The following LRP1B variants were observed in gnomAD, a reference collection of about 807,000 sequenced individuals.
LRP1B encodes low-density lipoprotein receptor-related protein 1B.
Under a neutral mutation model 556.6 loss-of-function variants are expected in LRP1B, and 217 were observed. That is an observed-to-expected ratio of 0.39 (90% CI 0.35 to 0.44). The LOEUF is 0.44. Ranked by LOEUF, LRP1B falls within the 20% of genes least tolerant of loss-of-function variation. The pLI, the probability that LRP1B is intolerant of heterozygous loss-of-function variation, is 1.00. For missense variants in LRP1B, 5,053 were observed against 5,620.8 expected (o/e 0.90, Z 3.23); for synonymous variants, 2,047 against 1,865.8 (o/e 1.10, Z -2.50).
At chr2:140,414,552 C>T (rs1685100339) in intron 66 of LRP1B, among the ~76,000 whole-genome samples, 1 of 151,908 alleles carries the variant, frequency 6.6e-6, no homozygotes, top group Admixed American at 6.6e-5. Flanking sequence ...GTCAGGGACC[C>T]CGAATAGAGG....
At chr2:141,977,419 A>C (rs1701916996) in intron 1 of LRP1B, among the ~76,000 whole-genome samples, 1 of 152,078 alleles carries the variant, frequency 6.6e-6, no homozygotes, top group Non-Finnish European at 1.5e-5. Context: ...TAAAAATGCA[A>C]AAATTATCCA....
At chr2:140,703,771 T>A (rs1182502643) in intron 37 of LRP1B, among the ~76,000 whole-genome samples, 1 of 152,138 alleles carries the variant, frequency 6.6e-6, no homozygotes, top group South Asian at 2.1e-4. Flanking sequence ...ACTCAGTGCT[T>A]GCTTTTCTGT....
intron 3 of LRP1B, among the ~76,000 whole-genome samples, chr2:141,371,449 G>A (rs1689228209): frequency 6.6e-6 from 1 of 152,130 alleles, no homozygotes; most frequent in South Asian, 2.1e-4. Context: ...CATTGAACCT[G>A]TAGATTGCTT....
intron 20 of LRP1B, among the ~76,000 whole-genome samples, chr2:140,940,625 C>A (rs1323458734): frequency 2.6e-5 from 4 of 152,102 alleles, no homozygotes; most frequent in Admixed American, 1.3e-4. Flanking sequence ...AGGGACCCAG[C>A]CTTACTTATT....
chr2:140,376,470 G>GT (rs1683235104), intron 68 of LRP1B, among the ~76,000 whole-genome samples: 1 of 151,956 alleles, frequency 6.6e-6, no homozygotes, highest in Admixed American at 6.6e-5. Context: ...ATTAAAATGT[G>GT]TTTTTCTGCC....
At chr2:140,852,774 G>A (rs1486458272) in intron 27 of LRP1B, among the ~76,000 whole-genome samples, 1 of 151,992 alleles carries the variant, frequency 6.6e-6, no homozygotes, top group East Asian at 1.9e-4. Flanking sequence ...GCAGCTCAAT[G>A]TCATTCTGTG....
chr2:140,598,425 T>C lies in LRP1B; in HGVS notation c.7194+206A>G, dbSNP rs139858007. Among the ~76,000 whole-genome samples, 707 of 152,304 alleles carry C rather than the reference T, an allele frequency of 4.6e-3. 10 individuals are homozygous for C. Among genetic ancestry groups the C allele is most frequent in the African/African-American group, 0.016 (657 of 41,566 alleles). On this transcript the variant is annotated intron_variant, in intron 43 of 90. Coordinates refer to ENST00000389484, the MANE Select transcript of LRP1B (RefSeq NM_018557.3). ...AAGTTTATGTGTTGAGCTGTCTCTA[T>C]GGTAGCAAATGCATTTGAAAGAAGT...
At chr2:140,327,834 CA>C (rs2105068948) in intron 79 of LRP1B, among the ~76,000 whole-genome samples, 1 of 152,076 alleles carries the variant, frequency 6.6e-6, no homozygotes, top group East Asian at 1.9e-4. Context: ...CCACTTTTAT[CA>C]GCTCTGGCCA....
chr2:141,620,128 G>C (rs948859224), intron 2 of LRP1B, among the ~76,000 whole-genome samples: 1 of 152,060 alleles, frequency 6.6e-6, no homozygotes, highest in Non-Finnish European at 1.5e-5. Flanking sequence ...ATTTAAAAAA[G>C]AAAATATAGA....
intron 1 of LRP1B, among the ~76,000 whole-genome samples, chr2:141,957,830 G>T (rs1215431725): frequency 2.0e-5 from 3 of 152,086 alleles, no homozygotes; most frequent in Non-Finnish European, 4.4e-5. Flanking sequence ...TGCCAGCACA[G>T]ATCATCTTTC....
intron 35 of LRP1B, among the ~76,000 whole-genome samples, chr2:140,754,534 C>T (rs1030242675): frequency 6.6e-6 from 1 of 151,998 alleles, no homozygotes; most frequent in Non-Finnish European, 1.5e-5. Flanking sequence ...CATGGAAATT[C>T]ATAAATGTGG....
intron 1 of LRP1B, among the ~76,000 whole-genome samples, chr2:141,948,707 A>G (rs564791417): frequency 2.1e-4 from 32 of 152,298 alleles, no homozygotes; most frequent in Admixed American, 2.0e-3. Flanking sequence ...ATGACTAGTT[A>G]TAAATACAGT....
At chr2:141,100,732 A>G (rs970415961) in intron 7 of LRP1B, among the ~76,000 whole-genome samples, 2 of 152,080 alleles carry the variant, frequency 1.3e-5, no homozygotes, top group African/African-American at 4.8e-5. Flanking sequence ...AGTGTGGAGC[A>G]TGGTGAAAGA....
intron 2 of LRP1B, among the ~76,000 whole-genome samples, chr2:141,613,424 G>A (rs917386228): frequency 1.3e-5 from 2 of 152,056 alleles, no homozygotes; most frequent in Admixed American, 6.5e-5. Context: ...TTTTCACACC[G>A]CCACATGAAC....
Position 141,910,713 on chromosome 2 carries a change from ACAC to A in LRP1B, c.83-100315_83-100313del, listed in dbSNP as rs1458161563. ...TTGGGATTGCTAAGTGAGAAGTGAAACACACCAGTTTTTCTATACGATTTTAAT... is the reference window on the plus strand; with the variant it reads ...TTGGGATTGCTAAGTGAGAAGTGAAAACCAGTTTTTCTATACGATTTTAAT... On this transcript the variant is annotated intron_variant, in intron 1 of 90. Coordinates refer to ENST00000389484, the MANE Select transcript of LRP1B (RefSeq NM_018557.3). Among the ~76,000 whole-genome samples the A allele has an allele frequency of 9.9e-5, 15 of 152,234 alleles. No homozygotes were observed. In the South Asian group the frequency reaches 3.1e-3, roughly 32 times the overall value.
At chr2:141,098,511 C>G (rs955402501) in intron 7 of LRP1B, among the ~76,000 whole-genome samples, 2 of 152,116 alleles carry the variant, frequency 1.3e-5, no homozygotes, top group African/African-American at 4.8e-5. Flanking sequence ...CTATAACTGA[C>G]CCTCAGACCT....
Position 140,642,552 on chromosome 2 carries a change from G to T in LRP1B, c.6800-40913C>A, listed in dbSNP as rs150339486. 3.2e-3 allele frequency among the ~76,000 whole-genome samples: 484 copies of T among 152,128 alleles called. 4 individuals are homozygous for T. Among genetic ancestry groups the T allele is most frequent in the African/African-American group, 0.011 (463 of 41,512 alleles). On this transcript the variant is annotated intron_variant, in intron 41 of 90. Coordinates refer to ENST00000389484, the MANE Select transcript of LRP1B (RefSeq NM_018557.3). Reference sequence around the variant, plus strand: ...CCCCAGTACACCTCACATAGGAAGGGACTAAGAGGCCGGGCACGGTGGCTC... The same window carrying T: ...CCCCAGTACACCTCACATAGGAAGGTACTAAGAGGCCGGGCACGGTGGCTC...
In LRP1B at chr2:141,550,712, TA is replaced by T. The variant is rs1324749904; in HGVS notation, c.206-70180del. Among the ~76,000 whole-genome samples the T allele has an allele frequency of 2.0e-5, 3 of 152,160 alleles. No individual in the cohort carries two copies. In the East Asian group the frequency reaches 5.8e-4, roughly 29 times the overall value. On this transcript the variant is annotated intron_variant, in intron 2 of 90. Coordinates refer to ENST00000389484, the MANE Select transcript of LRP1B (RefSeq NM_018557.3). ...TCTAATTTTTTTCTAAGCCTCTTAA[TA>T]CTTAAAAAGAAGCAAATTTAATTTA...
intron 7 of LRP1B, among the ~76,000 whole-genome samples, chr2:141,143,208 C>T (rs948944757): frequency 4.6e-5 from 7 of 152,214 alleles, no homozygotes; most frequent in Admixed American, 1.3e-4. Flanking sequence ...GGATTACAGG[C>T]GTGAGCCACC....
Sources: allele counts gnomAD v4.1 joint callset (sites outside exome capture counted in the v4.1 genomes callset), GRCh38; gene constraint gnomAD v4.1.1; transcripts MANE v1.5; gene names NCBI Gene and HGNC (gene_info 2026-07-23, HGNC 2026-07-21).